The following CES5A variants were observed in gnomAD, a reference collection of about 807,000 sequenced individuals.
CES5A encodes the protein carboxylesterase 5A, also known as carboxylesterase 5.
A neutral mutation model predicts 62.9 loss-of-function variants in CES5A; 67 were observed. That is an observed-to-expected ratio of 1.07 (90% CI 0.88 to 1.31). CES5A has a LOEUF of 1.31. Ranked by LOEUF, CES5A falls within the 50% of genes most tolerant of loss-of-function variation. The pLI is 0.00. For synonymous variants in CES5A, 296 were observed against 280.8 expected, an observed-to-expected ratio of 1.05 and a Z score of -0.54; for missense variants, 748 against 708.5, an observed-to-expected ratio of 1.06 and a Z score of -0.63.
At chr16:55,858,210 A>G (rs1316557440) in intron 8 of CES5A, among the ~76,000 whole-genome samples, 6 of 152,216 alleles carry the variant, frequency 3.9e-5, no homozygotes, top group Admixed American at 3.9e-4. Flanking sequence ...AAATTAAATT[A>G]GATTAAATTA....
intron 1 of CES5A, among the ~76,000 whole-genome samples, chr16:55,909,964 C>A (rs929973548): frequency 1.3e-5 from 2 of 152,182 alleles, no homozygotes; most frequent in South Asian, 4.1e-4. Context: ...GAGTGCCCAG[C>A]CTGAGTTGGT....
At chr16:55,910,614 T>A (rs1333168374) in intron 1 of CES5A, among the ~76,000 whole-genome samples, 1 of 152,218 alleles carries the variant, frequency 6.6e-6, no homozygotes, top group Non-Finnish European at 1.5e-5. Context: ...AGGGACTGAA[T>A]AAAACCTAAA....
At chr16:55,922,515 A>T (rs2034216066) in intron 1 of CES5A, among the ~76,000 whole-genome samples, 1 of 151,982 alleles carries the variant, frequency 6.6e-6, no homozygotes, top group Admixed American at 6.6e-5. Flanking sequence ...ATACTTATGT[A>T]TCCAGTACCA....
chr16:55,945,806 T>A (rs946099424), intron 2 of CES5A, among the ~76,000 whole-genome samples: 4 of 152,182 alleles, frequency 2.6e-5, no homozygotes, highest in Non-Finnish European at 5.9e-5. Flanking sequence ...CCAGGAAAGA[T>A]AGGAAAGCAT....
chr16:55,872,785 T>C (rs571149473), intron 2 of CES5A, among the ~76,000 whole-genome samples: 1 of 152,244 alleles, frequency 6.6e-6, no homozygotes, highest in African/African-American at 2.4e-5. Flanking sequence ...CTCAGCACCC[T>C]TCCCTGACAC....
At chr16:55,944,654 G>A (rs993348369) in intron 2 of CES5A, among the ~76,000 whole-genome samples, 1 of 152,140 alleles carries the variant, frequency 6.6e-6, no homozygotes, top group African/African-American at 2.4e-5. Context: ...AGGCTCTTGC[G>A]CATTTCAACG....
rs778555041 is a variant in CES5A at position 55,875,147 on chromosome 16, AC to A, written c.73+1del. The A allele has an allele frequency of 2.5e-6, 4 of 1,613,652 alleles. No individual in the cohort carries two copies. Among genetic ancestry groups the A allele is most frequent in the Non-Finnish European group, 3.4e-6 (4 of 1,179,806 alleles). ...GCCCTCCTTTCCCATTGGATATCTC[AC>A]CTTTGGTGGGGGCTGCAAGGACCCA... On this transcript the variant is annotated splice_donor_variant, in intron 1 of 12. Transcript: ENST00000290567. LOFTEE classifies it high-confidence loss of function.
chr16:55,919,986 C>T (rs1206773681), intron 1 of CES5A, among the ~76,000 whole-genome samples: 1 of 152,166 alleles, frequency 6.6e-6, no homozygotes, highest in South Asian at 2.1e-4. Flanking sequence ...TTCCAGTTCC[C>T]AAATGGTAGC....
At chr16:55,879,298 C>T (rs1164268134), upstream of CES5A, among the ~76,000 whole-genome samples, 2 of 151,706 alleles carry the variant, frequency 1.3e-5, no homozygotes, top group African/African-American at 4.9e-5. Flanking sequence ...CCACTGCACC[C>T]CACCACTGCA....
chr16:55,853,045 G>T lies in CES5A; in HGVS notation c.1126-17C>A. Reference sequence around the variant, plus strand: ...CGGGATGTGCTGTAAAAATATCGTAGTCCTAGGAGATCCAGGTCAACCACA... The same window carrying T: ...CGGGATGTGCTGTAAAAATATCGTATTCCTAGGAGATCCAGGTCAACCACA... On this transcript the variant is annotated splice_polypyrimidine_tract_variant and intron_variant, in intron 9 of 12. Coordinates refer to ENST00000290567, the MANE Select transcript of CES5A (RefSeq NM_001143685.2). 6.2e-7 allele frequency: 1 copy of T among 1,613,360 alleles called. No individual in the cohort carries two copies. Among genetic ancestry groups the T allele is most frequent in the Non-Finnish European group, 8.5e-7 (1 of 1,179,548 alleles).
intron 1 of CES5A, among the ~76,000 whole-genome samples, chr16:55,917,325 T>C (rs2142455712): frequency 6.6e-6 from 1 of 152,364 alleles, no homozygotes; most frequent in Middle Eastern, 3.4e-3. Context: ...ATGAATACTT[T>C]TTATGTCACA....
chr16:55,941,523 TACAATGTCAGTTCTTCCCAA>T (rs1325389574), intron 2 of CES5A, among the ~76,000 whole-genome samples: 7 of 152,120 alleles, frequency 4.6e-5, no homozygotes, highest in African/African-American at 1.7e-4. Flanking sequence ...TCAGCATAGT[TACAATGTCAGTTCTTCCCAA>T]AATGATCTAC....
At chr16:55,939,009 A>T (rs915885493) in intron 2 of CES5A, among the ~76,000 whole-genome samples, 4 of 151,702 alleles carry the variant, frequency 2.6e-5, no homozygotes, top group Non-Finnish European at 5.9e-5. Flanking sequence ...TACTAGTTTC[A>T]GGAATGGCTG....
Position 55,916,082 on chromosome 16 carries a change from G to T in CES5A, c.-256+9241C>A, listed in dbSNP as rs570040482. Reference sequence around the variant, plus strand: ...CAGAGGCTAGGGTTTTTCAATGGTTGTTTGGCAAGCCAGGGATTCTACTTC... The same window carrying T: ...CAGAGGCTAGGGTTTTTCAATGGTTTTTTGGCAAGCCAGGGATTCTACTTC... On this transcript the variant is annotated intron_variant, in intron 1 of 12. Coordinates refer to the CES5A transcript ENST00000518005. Among the ~76,000 whole-genome samples the T allele has an allele frequency of 2.3e-3, 349 of 152,260 alleles. 2 individuals carry two copies. Among genetic ancestry groups the T allele is most frequent in the Non-Finnish European group, 4.1e-3 (282 of 68,014 alleles).
chr16:55,875,144 C>G lies in CES5A; in HGVS notation c.73+5G>C, dbSNP rs775033366. On this transcript the variant is annotated splice_donor_5th_base_variant and intron_variant, in intron 1 of 12. Coordinates refer to ENST00000290567, the MANE Select transcript of CES5A (RefSeq NM_001143685.2). ...AGAGCCCTCCTTTCCCATTGGATAT[C>G]TCACCTTTGGTGGGGGCTGCAAGGA... 6.2e-7 allele frequency: 1 copy of G among 1,613,976 alleles called. No homozygotes were observed. The highest frequency in any genetic ancestry group is 1.6e-4 in the Middle Eastern group (1 of 6,062).
At chr16:55,874,071 C>T in intron 1 of CES5A, 34 bp from the exon 2 acceptor site, 2 of 1,558,206 alleles carry the variant, frequency 1.3e-6, no homozygotes, top group Non-Finnish European at 1.7e-6. Flanking sequence ...CAGGAGCAGG[C>T]TGGGGACAGG....
intron 1 of CES5A, among the ~76,000 whole-genome samples, chr16:55,952,293 T>A (rs1434910147): frequency 1.3e-5 from 2 of 152,080 alleles, no homozygotes; most frequent in Admixed American, 6.5e-5. Flanking sequence ...AAATTTATAG[T>A]CTCAAATAAA....
chr16:55,871,557 T>C (rs2033585344), intron 3 of CES5A, 68 bp downstream of exon 3: 2 of 1,574,278 alleles, frequency 1.3e-6, no homozygotes, highest in Non-Finnish European at 8.7e-7. Context: ...GACATGTAGC[T>C]GCACTGCCTG....
At chr16:55,875,477 C>A, upstream of CES5A, 1 of 826,670 alleles carries the variant, frequency 1.2e-6, no homozygotes, top group Non-Finnish European at 1.7e-6. Flanking sequence ...AGGCTTTGGA[C>A]TTCCGGGATG....
Sources: allele counts gnomAD v4.1 joint callset (sites outside exome capture counted in the v4.1 genomes callset), GRCh38; gene constraint gnomAD v4.1.1; transcripts MANE v1.5; gene names NCBI Gene and HGNC (gene_info 2026-07-23, HGNC 2026-07-21).